The following SURF6 variants were observed in gnomAD, a reference collection of about 807,000 sequenced individuals.
The protein encoded by SURF6 is surfeit locus protein 6.
In SURF6, 28 loss-of-function variants were observed where a neutral mutation model predicts 37.5. The observed-to-expected ratio is 0.75, with a 90% CI of 0.55 to 1.02. SURF6 has a LOEUF of 1.02. Ranked by LOEUF, SURF6 falls within the 50% of genes least tolerant of loss-of-function variation. The pLI is 0.00. For synonymous variants in SURF6, 248 were observed against 210.9 expected, an observed-to-expected ratio of 1.18 and a Z score of -1.52; for missense variants, 560 against 490.5, an observed-to-expected ratio of 1.14 and a Z score of -1.34.
Position 133,330,681 on chromosome 9 carries a change from A to T in SURF6, c.*1188T>A, listed in dbSNP as rs1488083672. The T allele has an allele frequency of 1.3e-5, 2 of 151,762 alleles. No individual in the cohort carries two copies. The highest frequency in any genetic ancestry group is 2.9e-5 in the Non-Finnish European group (2 of 67,936). The allele number at this position is 151,762 out of a possible 1,614,324, so 9.4% of individuals were successfully genotyped here. On this transcript the variant is annotated 3_prime_UTR_variant, in exon 5 of 5. Transcript: ENST00000372022. The stretch of plus-strand genomic sequence containing the variant: ...ATGCCACTGCACTCCAGCCTGAGTG[A>T]CAGAGCAAGACTCTATCTAAAAAAC...
chr9:133,334,302 C>CTT, intron 2 of SURF6, 90 bp downstream of exon 2: 3 of 1,251,450 alleles, frequency 2.4e-6, no homozygotes, highest in Non-Finnish European at 2.2e-6. Context: ...CCTGCTGCTG[C>CTT]TTTTTTTTTC....
chr9:133,334,275 C>T (rs2129926364), intron 2 of SURF6, 117 bp downstream of exon 2: 43 of 916,328 alleles, frequency 4.7e-5, no homozygotes, highest in Middle Eastern at 2.3e-4. Flanking sequence ...GGGGAAGTCT[C>T]GTGCTATCCC....
Position 133,331,703 on chromosome 9 carries a change from G to A in SURF6, c.*166C>T, listed in dbSNP as rs1390782462. 1.2e-6 allele frequency: 1 copy of A among 868,772 alleles called. No individual in the cohort carries two copies. Among genetic ancestry groups the A allele is most frequent in the Non-Finnish European group, 1.6e-6 (1 of 632,418 alleles). 53.8% of individuals were successfully genotyped at this position (868,772 alleles called of 1,614,324 possible). A position where few individuals can be genotyped will look rare whatever the true frequency, so the allele number is the denominator to read the frequency against. On this transcript the variant is annotated 3_prime_UTR_variant, in exon 5 of 5. Coordinates refer to ENST00000372022, the MANE Select transcript of SURF6 (RefSeq NM_006753.6). The stretch of plus-strand genomic sequence containing the variant: ...CGCTGAAACTCTCTCTTTCTCACAT[G>A]GGATCTGTGATCTGGGCCCTCACAA...
chr9:133,332,542 G>A lies in SURF6; in HGVS notation c.606+6C>T, dbSNP rs2129918904. ...CAGCCCGCCCAAGGACCCAGCTCCC[G>A]CTCACCTTATTGAAGATCAGCCCGG... On this transcript the variant is annotated splice_donor_region_variant and intron_variant, in intron 4 of 4. Coordinates refer to ENST00000372022, the MANE Select transcript of SURF6 (RefSeq NM_006753.6). The A allele has an allele frequency of 1.1e-5, 17 of 1,605,950 alleles. No individual in the cohort carries two copies. The highest frequency in any genetic ancestry group is 2.2e-5 in the South Asian group (2 of 90,970).
At position 133,332,047 on chromosome 9, in the gene SURF6, C is replaced by T. The variant is rs2129914375; in HGVS notation, c.908G>A (p.Arg303Gln). The change falls in exon 5 of 5, where the codon CGG becomes CAG. Residue 303 changes from arginine (R) to glutamine (Q), a missense_variant. By Grantham distance (43) the Arg-to-Gln change is conservative. Transcript: ENST00000372022. ...LKRKEKRRAQ[R>Q]QRRWEKRTAG... is the part of the protein sequence containing the mutation. The stretch of plus-strand genomic sequence containing the variant: ...CGTGCGCTTCTCCCACCGGCGCTGC[C>T]GCTGCGCCCTGCGCTTCTCCTTGCG... 165 of 1,604,002 alleles carry T rather than the reference C, an allele frequency of 1.0e-4. No individual in the cohort carries two copies. Among genetic ancestry groups the T allele is most frequent in the South Asian group, 1.9e-4 (17 of 91,036 alleles).
At position 133,332,076 on chromosome 9, in the gene SURF6, CA is replaced by C; in HGVS notation, c.878del (p.Leu293ArgfsTer89). ...GCGCCCTGCGCTTCTCCTTGCGCTT[CA>C]GGGCCTCCTGCAGCAGGCGTTCGTC... ...RDDERLLQEA[L>X]KRKEKRRAQR... On this transcript the variant is annotated frameshift_variant, in exon 5 of 5. Transcript: ENST00000372022. LOFTEE classifies it high-confidence loss of function. 1 of 1,607,670 alleles carries C rather than the reference CA, an allele frequency of 6.2e-7. No homozygotes were observed. Among genetic ancestry groups the C allele is most frequent in the East Asian group, 2.2e-5 (1 of 44,872 alleles).
intron 4 of SURF6, 57 bp from the exon 5 acceptor site, chr9:133,332,405 G>C (rs2129918290): frequency 6.5e-7 from 1 of 1,535,332 alleles, no homozygotes; most frequent in Middle Eastern, 1.8e-4. Context: ...CCCAGCCTTG[G>C]CCAGTACCCT....
At position 133,330,706 on chromosome 9, in the gene SURF6, CAAA is replaced by C. The variant is rs782195491; in HGVS notation, c.*1160_*1162del. 4.0e-5 allele frequency: 6 copies of C among 150,234 alleles called. No individual in the cohort carries two copies. The highest frequency in any genetic ancestry group is 4.4e-5 in the Non-Finnish European group (3 of 67,484). 9.3% of individuals were successfully genotyped at this position (150,234 alleles called of 1,614,324 possible). A position where few individuals can be genotyped will look rare whatever the true frequency, so the allele number is the denominator to read the frequency against. Reference sequence around the variant, plus strand: ...ACAGAGCAAGACTCTATCTAAAAAACAAAAAAAAATAGCTCAAATTTTTTTTAA... The same window carrying C: ...ACAGAGCAAGACTCTATCTAAAAAACAAAAAATAGCTCAAATTTTTTTTAA... On this transcript the variant is annotated 3_prime_UTR_variant, in exon 5 of 5. Transcript: ENST00000372022.
In SURF6 at chr9:133,331,843, A is replaced by G; in HGVS notation, c.*26T>C. 1 of 1,496,418 alleles carries G rather than the reference A, an allele frequency of 6.7e-7. No individual in the cohort carries two copies. Among genetic ancestry groups the G allele is most frequent in the South Asian group, 1.3e-5 (1 of 74,538 alleles). 92.7% of individuals were successfully genotyped at this position (1,496,418 alleles called of 1,614,324 possible). ...GTGTCCTGGAGTCTCCTAGGACGGA[A>G]GACGGCGGCCCCAGGTGGGAAAGAC... On this transcript the variant is annotated 3_prime_UTR_variant, in exon 5 of 5. Coordinates refer to ENST00000372022, the MANE Select transcript of SURF6 (RefSeq NM_006753.6).
At chr9:133,333,403 C>G (rs1382322982) in intron 3 of SURF6, among the ~76,000 whole-genome samples, 1 of 152,196 alleles carries the variant, frequency 6.6e-6, no homozygotes, top group Non-Finnish European at 1.5e-5. Context: ...TGCATTGGTG[C>G]TTCCTGTGCC....
rs1835724745 is a variant in SURF6 at position 133,331,457 on chromosome 9, G to A, written c.*412C>T. Reference sequence around the variant, plus strand: ...GTTGTCCTCTGTTCGGGTGAGCTGCGGACTAACGTGGCCCGGCAGCAGAGG... The same window carrying A: ...GTTGTCCTCTGTTCGGGTGAGCTGCAGACTAACGTGGCCCGGCAGCAGAGG... On this transcript the variant is annotated 3_prime_UTR_variant, in exon 5 of 5. Transcript: ENST00000372022. 2 of 177,926 alleles carry A rather than the reference G, an allele frequency of 1.1e-5. No individual in the cohort carries two copies. Among genetic ancestry groups the A allele is most frequent in the South Asian group, 1.9e-4 (1 of 5,178 alleles). 11.0% of individuals were successfully genotyped at this position (177,926 alleles called of 1,614,324 possible).
rs2129915262 is a variant in SURF6 at position 133,332,117 on chromosome 9, C to T, written c.838G>A (p.Val280Met). The T allele has an allele frequency of 1.2e-6, 2 of 1,610,218 alleles. No homozygotes were observed. The highest frequency in any genetic ancestry group is 1.7e-6 in the Non-Finnish European group (2 of 1,179,936). ...AGGCGTTCGTCGTCACGGATCTTCA[C>T]GCCCTCCGCCTTGTAGAGGAGGTTG... ...WTNLLYKAEG[V>M]KIRDDERLLQ... The change falls in exon 5 of 5, where the codon GTG becomes ATG. Residue 280 changes from valine to methionine, a missense_variant. Physicochemically the swap from Val to Met is conservative, Grantham distance 21. Transcript: ENST00000372022.
Position 133,331,553 on chromosome 9 carries a change from C to T in SURF6, c.*316G>A, listed in dbSNP as rs1055190047. 8 of 323,952 alleles carry T rather than the reference C, an allele frequency of 2.5e-5. No homozygotes were observed. The highest frequency in any genetic ancestry group is 4.9e-5 in the Admixed American group (1 of 20,474). 20.1% of individuals were successfully genotyped at this position (323,952 alleles called of 1,614,324 possible). A position where few individuals can be genotyped will look rare whatever the true frequency, so the allele number is the denominator to read the frequency against. The stretch of plus-strand genomic sequence containing the variant: ...AACAGGCAGTGACTGCCCACCCCCA[C>T]CGTTCCTCCTCCCTGACCCTGCAAA... On this transcript the variant is annotated 3_prime_UTR_variant, in exon 5 of 5. Coordinates refer to ENST00000372022, the MANE Select transcript of SURF6 (RefSeq NM_006753.6).
At chr9:133,334,163 G>C (rs1362840332) in intron 2 of SURF6, among the ~76,000 whole-genome samples, 20 of 152,170 alleles carry the variant, frequency 1.3e-4, no homozygotes, top group Admixed American at 1.3e-3. Context: ...TCCTCAGAGA[G>C]ACACAGCCTT....
chr9:133,335,963 A>C, intron 1 of SURF6, 76 bp downstream of exon 1: 1 of 1,175,510 alleles, frequency 8.5e-7, no homozygotes, highest in Non-Finnish European at 1.2e-6. Flanking sequence ...AGTACTTTAC[A>C]GACTCGTCTA....
At position 133,332,236 on chromosome 9, in the gene SURF6, A is replaced by T; in HGVS notation, c.719T>A (p.Leu240Gln). The stretch of plus-strand genomic sequence containing the variant: ...GCTCTGCCGTGCCTGCAGGCGCTCC[A>T]GCAGCTGCCGGTAGTTCCTCCCGGT... ...PLTGRNYRQLLERLQARQSRL... is the reference protein window; with the variant it reads ...PLTGRNYRQLQERLQARQSRL... The change falls in exon 5 of 5, where the codon CTG becomes CAG. Residue 240 changes from leucine to glutamine, a missense_variant. Physicochemically the swap from Leu to Gln is moderately radical, Grantham distance 113. Coordinates refer to ENST00000372022, the MANE Select transcript of SURF6 (RefSeq NM_006753.6). 2 of 1,605,698 alleles carry T rather than the reference A, an allele frequency of 1.2e-6. No homozygotes were observed. The highest frequency in any genetic ancestry group is 1.7e-6 in the Non-Finnish European group (2 of 1,179,830).
Position 133,330,493 on chromosome 9 carries a change from G to A in SURF6, c.*1376C>T, listed in dbSNP as rs1334673042. The A allele has an allele frequency of 6.6e-6, 1 of 152,154 alleles. No homozygotes were observed. The highest frequency in any genetic ancestry group is 1.5e-5 in the Non-Finnish European group (1 of 68,022). 9.4% of individuals were successfully genotyped at this position (152,154 alleles called of 1,614,324 possible). ...TCAAGTGATCCACCCGCCTCCCAAA[G>A]AGCTGGGATTGACAGCATGAGCCAC... On this transcript the variant is annotated 3_prime_UTR_variant, in exon 5 of 5. Transcript: ENST00000372022.
chr9:133,333,649 G>A (rs1234236602), intron 3 of SURF6, 69 bp downstream of exon 3: 7 of 1,475,490 alleles, frequency 4.7e-6, no homozygotes, highest in African/African-American at 4.2e-5. Context: ...ACGGCCCCTC[G>A]CTGACAGCTG....
intron 3 of SURF6, among the ~76,000 whole-genome samples, chr9:133,333,276 CGGA>C (rs1835793637): frequency 1.3e-5 from 2 of 152,100 alleles, no homozygotes; most frequent in African/African-American, 4.8e-5. Context: ...CTCGGGATGG[CGGA>C]GGAGAGTAGC....
Sources: gnomAD v4.1 joint callset for allele counts (sites outside exome capture counted in the v4.1 genomes callset) on GRCh38, gnomAD v4.1.1 for gene constraint, MANE v1.5 for transcripts, NCBI Gene and HGNC (gene_info 2026-07-23, HGNC 2026-07-21) for gene names.